Variants in FBXO47 observed in about 807,000 individuals in gnomAD.
FBXO47 encodes the protein F-box protein 47.
A neutral mutation model predicts 53.9 loss-of-function variants in FBXO47; 34 were observed. The observed-to-expected ratio is 0.63, with a 90% confidence interval of 0.48 to 0.84. The LOEUF (loss-of-function observed/expected upper bound fraction) is 0.84. FBXO47 is among the 40% of genes least tolerant of loss of function. FBXO47 has a pLI of 0.00. For missense variants in FBXO47, 485 were observed against 541.3 expected, an observed-to-expected ratio of 0.90 and a Z score of 1.03; for synonymous variants, 165 against 181.6, an observed-to-expected ratio of 0.91 and a Z score of 0.73.
At chr17:38,944,498 C>A (rs974868427) in intron 7 of FBXO47, among the ~76,000 whole-genome samples, 11 of 151,510 alleles carry the variant, frequency 7.3e-5, no homozygotes, top group Non-Finnish European at 1.5e-5. Context: ...GTCAGGAGAT[C>A]GAGACCATTC....
intron 6 of FBXO47, among the ~76,000 whole-genome samples, chr17:38,950,542 C>T (rs1271318381): frequency 6.6e-6 from 1 of 150,650 alleles, no homozygotes; most frequent in Admixed American, 6.6e-5. Context: ...TCAAGTAATC[C>T]TCCCACTTCG....
chr17:38,949,667 T>C (rs1006724360), intron 6 of FBXO47, among the ~76,000 whole-genome samples: 5 of 152,214 alleles, frequency 3.3e-5, no homozygotes, highest in Non-Finnish European at 7.3e-5. Flanking sequence ...ACATTCTCAC[T>C]AACACTTATT....
chr17:38,952,980 C>T (rs1212398087), intron 5 of FBXO47, among the ~76,000 whole-genome samples: 1 of 151,370 alleles, frequency 6.6e-6, no homozygotes, highest in African/African-American at 2.4e-5. Context: ...TGTGAACAAA[C>T]AAAACACTTT....
intron 3 of FBXO47, 146 bp downstream of exon 3, chr17:38,961,731 T>C: frequency 1.5e-6 from 1 of 670,762 alleles, no homozygotes. Flanking sequence ...AAGGGAGTGT[T>C]CTCACACTAA....
At chr17:38,954,826 C>T (rs781297799) in intron 5 of FBXO47, 30 bp downstream of exon 5, 7 of 1,326,464 alleles carry the variant, frequency 5.3e-6, no homozygotes, top group African/African-American at 4.4e-5. Flanking sequence ...CAAAGGTATC[C>T]CTTTTCTTCT....
rs773020719 is a variant in FBXO47 at position 38,951,547 on chromosome 17, C to T, written c.616+34G>A. ...CTCTGTTTATTTTTTCTATTTTAAT[C>T]TCTGTATATTATATGCAAATTATAG... On this transcript the variant is annotated intron_variant, in intron 6 of 10. Coordinates refer to ENST00000378079, the MANE Select transcript of FBXO47 (RefSeq NM_001008777.3). 2.1e-6 allele frequency: 3 copies of T among 1,420,336 alleles called. No individual in the cohort carries two copies. The African/African-American group carries it at 4.3e-5, about 21-fold the overall frequency. 88.0% of individuals were successfully genotyped at this position (1,420,336 alleles called of 1,614,324 possible).
intron 9 of FBXO47, among the ~76,000 whole-genome samples, chr17:38,939,323 A>AAATATATAT (rs1555559726): frequency 4.0e-5 from 2 of 50,174 alleles, no homozygotes; most frequent in African/African-American, 1.5e-4. Flanking sequence ...AAAAAAAAAA[A>AAATATATAT]ATATATATAT....
At chr17:38,941,161 T>A (rs1904487765) in intron 9 of FBXO47, among the ~76,000 whole-genome samples, 1 of 151,460 alleles carries the variant, frequency 6.6e-6, no homozygotes, top group Non-Finnish European at 1.5e-5. Context: ...AATTTTTAAA[T>A]TTTTTATTAT....
At chr17:38,947,023 CATATACAAATATAT>C (rs1567717594) in intron 6 of FBXO47, among the ~76,000 whole-genome samples, 43 of 128,904 alleles carry the variant, frequency 3.3e-4, no homozygotes, top group African/African-American at 1.3e-3. Context: ...TATATATAAA[CATATACAAATATAT>C]GTAAATATAT....
chr17:38,963,802 GTTT>G (rs377210713), intron 1 of FBXO47, among the ~76,000 whole-genome samples: 18 of 128,630 alleles, frequency 1.4e-4, no homozygotes, highest in African/African-American at 5.1e-4. Context: ...TTGTTTTGTT[GTTT>G]TTTTTTTTTT....
intron 1 of FBXO47, among the ~76,000 whole-genome samples, chr17:38,965,866 G>A (rs1329277291): frequency 6.1e-5 from 9 of 146,420 alleles, no homozygotes; most frequent in African/African-American, 2.0e-4. Context: ...CTGGGTGACA[G>A]AGCAAGAATC....
chr17:38,963,533 CT>C (rs10711960), intron 1 of FBXO47, among the ~76,000 whole-genome samples: 3,940 of 152,080 alleles, frequency 0.026, 172 homozygotes, highest in African/African-American at 0.09. Flanking sequence ...ATTTTCATCT[CT>C]TTTTTTATTG....
intron 6 of FBXO47, among the ~76,000 whole-genome samples, chr17:38,947,220 A>C (rs1904992834): frequency 6.6e-6 from 1 of 150,930 alleles, no homozygotes; most frequent in South Asian, 2.1e-4. Context: ...GAATCACTTG[A>C]ACCCTGGAGA....
At chr17:38,958,494 T>G (rs1230441200) in intron 3 of FBXO47, among the ~76,000 whole-genome samples, 1 of 151,556 alleles carries the variant, frequency 6.6e-6, no homozygotes, top group African/African-American at 2.4e-5. Context: ...AACTCCTCAA[T>G]TTCTCAGTGA....
intron 1 of FBXO47, among the ~76,000 whole-genome samples, chr17:38,966,508 T>C (rs1184692912): frequency 6.6e-6 from 1 of 152,066 alleles, no homozygotes; most frequent in Non-Finnish European, 1.5e-5. Flanking sequence ...GCCAACACAG[T>C]AGGTGTTTTA....
In FBXO47 at chr17:38,937,390, CCT is replaced by C. The variant is rs536792617; in HGVS notation, c.1244-102_1244-101del. On this transcript the variant is annotated intron_variant, in intron 10 of 10. Transcript: ENST00000378079. ...TTTAATTTTTGAGACACAGTCTCCC[CCT>C]GTTGCTTAGGCTGGAATGCAGTGGT... 1.4e-3 allele frequency: 562 copies of C among 403,498 alleles called. 3 individuals carry two copies. The highest frequency in any genetic ancestry group is 0.011 in the African/African-American group (511 of 47,730). The allele number at this position is 403,498 out of a possible 1,614,324, so 25.0% of individuals were successfully genotyped here. A position where few individuals can be genotyped will look rare whatever the true frequency, so the allele number is the denominator to read the frequency against.
intron 3 of FBXO47, among the ~76,000 whole-genome samples, chr17:38,959,739 C>T (rs1234518449): frequency 4.6e-5 from 7 of 151,728 alleles, no homozygotes; most frequent in South Asian, 2.1e-4. Context: ...TCAACCTCTG[C>T]GGCTCAAGTA....
intron 9 of FBXO47, among the ~76,000 whole-genome samples, chr17:38,940,720 G>T (rs1904468315): frequency 1.3e-5 from 2 of 151,960 alleles, no homozygotes; most frequent in South Asian, 4.1e-4. Flanking sequence ...CTGCTATGCA[G>T]ACTGAAGTGC....
At chr17:38,956,753 A>G (rs1275549891) in intron 4 of FBXO47, among the ~76,000 whole-genome samples, 1 of 152,186 alleles carries the variant, frequency 6.6e-6, no homozygotes, top group Non-Finnish European at 1.5e-5. Flanking sequence ...TTCCAAGTCT[A>G]TTATCATAAA....
Sources: gnomAD v4.1 joint callset for allele counts (sites outside exome capture counted in the v4.1 genomes callset) on GRCh38, gnomAD v4.1.1 for gene constraint, MANE v1.5 for transcripts, NCBI Gene and HGNC (gene_info 2026-07-23, HGNC 2026-07-21) for gene names.